The following SPATA7 variants were observed in gnomAD, a reference collection of about 807,000 sequenced individuals.
The protein encoded by SPATA7 is spermatogenesis associated 7, also known as spermatogenesis-associated protein 7.
A neutral mutation model predicts 51.8 loss-of-function variants in SPATA7; 43 were observed. The observed-to-expected ratio is 0.83, with a 90% CI of 0.65 to 1.07. The LOEUF (loss-of-function observed/expected upper bound fraction) is 1.07. SPATA7 is among the 50% of genes least tolerant of loss of function. The pLI is 0.00. For synonymous variants in SPATA7, 230 were observed against 252.8 expected (o/e 0.91, Z 0.86); for missense variants, 683 against 701.3 (o/e 0.97, Z 0.30).
chr14:88,469,091 T>C lies in SPATA7; in HGVS notation c.255-756T>C. 4 of 1,601,882 alleles carry C rather than the reference T, an allele frequency of 2.5e-6. No homozygotes were observed. In the South Asian group the frequency reaches 4.4e-5, roughly 18 times the overall value. On this transcript the variant is annotated intron_variant, in intron 4 of 4. Transcript: ENST00000556406. The surrounding 1 kb of genome is among the most constrained non-coding windows in gnomAD (Gnocchi z 4.3). ...TTCAAGATATGCTGTGGAAAATCAATGAAATAGAAAAGTACTCAAGGATCA... is the reference window on the plus strand; with the variant it reads ...TTCAAGATATGCTGTGGAAAATCAACGAAATAGAAAAGTACTCAAGGATCA...
At chr14:88,409,402 G>A (rs1057359039) in intron 4 of SPATA7, among the ~76,000 whole-genome samples, 1 of 152,084 alleles carries the variant, frequency 6.6e-6, no homozygotes, top group African/African-American at 2.4e-5. Context: ...AGTATTCTCT[G>A]GTGGTAGTTT....
At chr14:88,417,993 T>G (rs1016886027) in intron 5 of SPATA7, among the ~76,000 whole-genome samples, 1 of 152,236 alleles carries the variant, frequency 6.6e-6, no homozygotes, top group Non-Finnish European at 1.5e-5. Flanking sequence ...TAAGTCATTA[T>G]AGAATGATTT....
At position 88,396,271 on chromosome 14, in the gene SPATA7, T is replaced by G. The variant is rs148283835; in HGVS notation, c.238+68T>G. 1,136 of 1,154,566 alleles carry G rather than the reference T, an allele frequency of 9.8e-4. 18 individuals are homozygous for G. In the East Asian group the frequency reaches 0.024, roughly 25 times the overall value. 71.5% of individuals were successfully genotyped at this position (1,154,566 alleles called of 1,614,324 possible). ...AAGGTAAATATACATAACATAAAAT[T>G]TACTGTCTTAACCATTTTTAAGTGT... On this transcript the variant is annotated intron_variant, in intron 4 of 11. Coordinates refer to ENST00000393545, the MANE Select transcript of SPATA7 (RefSeq NM_018418.5).
chr14:88,437,722 G>A, intron 11 of SPATA7, 116 bp from the exon 12 acceptor site: 1 of 1,323,872 alleles, frequency 7.6e-7, no homozygotes, highest in Non-Finnish European at 1.0e-6. Flanking sequence ...CTTTTTTGAG[G>A]GTGGTGGTGG....
At chr14:88,451,812 G>A (rs190224493) in intron 3 of SPATA7, among the ~76,000 whole-genome samples, 57 of 152,100 alleles carry the variant, frequency 3.7e-4, no homozygotes, top group Admixed American at 3.3e-3. Context: ...GGTGTGAGCC[G>A]CTACACCTGG....
intron 1 of SPATA7, among the ~76,000 whole-genome samples, chr14:88,390,804 CT>C (rs765056657): frequency 6.6e-6 from 1 of 152,100 alleles, no homozygotes; most frequent in Non-Finnish European, 1.5e-5. Context: ...ATGTTTAGGT[CT>C]TACCCTCCTT....
At chr14:88,413,767 G>A (rs935625113) in intron 4 of SPATA7, among the ~76,000 whole-genome samples, 4 of 151,596 alleles carry the variant, frequency 2.6e-5, no homozygotes, top group African/African-American at 9.7e-5. Flanking sequence ...ATGAAGGATT[G>A]CTAGATTTTA....
At chr14:88,401,529 A>G (rs1396375135) in intron 4 of SPATA7, among the ~76,000 whole-genome samples, 1 of 152,160 alleles carries the variant, frequency 6.6e-6, no homozygotes, top group African/African-American at 2.4e-5. Context: ...AATAAAAGGC[A>G]TACGAATTAG....
At chr14:88,438,756 C>T (rs1286277413), downstream of SPATA7, among the ~76,000 whole-genome samples, 2 of 152,192 alleles carry the variant, frequency 1.3e-5, no homozygotes, top group Non-Finnish European at 2.9e-5. Flanking sequence ...TCTTGCTGAC[C>T]AGTGGCTAGA....
chr14:88,407,280 T>C (rs1474920090), intron 4 of SPATA7, among the ~76,000 whole-genome samples: 1 of 152,212 alleles, frequency 6.6e-6, no homozygotes, highest in African/African-American at 2.4e-5. Context: ...TAGCATCTGT[T>C]GTTTCCTGAC....
At chr14:88,441,414 G>C (rs2140036007), downstream of SPATA7, among the ~76,000 whole-genome samples, 1 of 152,240 alleles carries the variant, frequency 6.6e-6, no homozygotes, top group Non-Finnish European at 1.5e-5. Flanking sequence ...GTTCTTTAAG[G>C]AATCTCCACA....
chr14:88,426,423 C>T lies in SPATA7; in HGVS notation c.564C>T (p.Ser188=), dbSNP rs549574077. 1.1e-5 allele frequency: 17 copies of T among 1,614,166 alleles called. No individual in the cohort carries two copies. Among genetic ancestry groups the T allele is most frequent in the East Asian group, 4.5e-5 (2 of 44,876 alleles). The change falls in exon 6 of 12, where the codon TCC becomes TCT. Residue 188 remains serine (S), a synonymous_variant. Transcript: ENST00000393545. ...SSPSSVDYAA[S]GPRKLSSGAL... ...CGTCCAGTGTGGATTATGCAGCCTC[C>T]GGGCCCCGGAAACTGAGCTCTGGAG...
intron 1 of SPATA7, among the ~76,000 whole-genome samples, chr14:88,388,530 A>G (rs1457920885): frequency 6.6e-6 from 1 of 151,616 alleles, no homozygotes; most frequent in Non-Finnish European, 1.5e-5. Flanking sequence ...CAGGAGATAG[A>G]AACCATACAG....
At chr14:88,435,355 C>T (rs982188139) in intron 10 of SPATA7, among the ~76,000 whole-genome samples, 30 of 152,054 alleles carry the variant, frequency 2.0e-4, no homozygotes, top group African/African-American at 6.8e-4. Flanking sequence ...TGTTTTGATA[C>T]AGGCAAGCAT....
At chr14:88,437,639 A>C in intron 11 of SPATA7, 42 bp downstream of exon 11, 1 of 1,492,938 alleles carries the variant, frequency 6.7e-7, no homozygotes, top group East Asian at 2.3e-5. Context: ...ATTATAATGT[A>C]AAAATAATTG....
chr14:88,458,479 C>A (rs1024443195), downstream of SPATA7, among the ~76,000 whole-genome samples: 7 of 152,204 alleles, frequency 4.6e-5, no homozygotes, highest in Admixed American at 4.6e-4. Context: ...AGGAATTTAT[C>A]CATTTCTTCT....
intron 4 of SPATA7, among the ~76,000 whole-genome samples, chr14:88,404,806 A>T (rs1452086746): frequency 6.6e-6 from 1 of 152,228 alleles, no homozygotes; most frequent in African/African-American, 2.4e-5. Context: ...TTAGTTTGCT[A>T]GAGTTTATTC....
At chr14:88,402,370 TCA>T (rs764077179) in intron 4 of SPATA7, among the ~76,000 whole-genome samples, 2 of 151,984 alleles carry the variant, frequency 1.3e-5, no homozygotes, top group Non-Finnish European at 1.5e-5. Context: ...GCTGGAGAAA[TCA>T]CACTTTCTAA....
chr14:88,420,172 T>G (rs2076602200), intron 5 of SPATA7, among the ~76,000 whole-genome samples: 1 of 152,164 alleles, frequency 6.6e-6, no homozygotes, highest in Non-Finnish European at 1.5e-5. Flanking sequence ...AAAGGGATTC[T>G]CTCTACTCTT....
Sources: gnomAD v4.1 joint callset for allele counts (sites outside exome capture counted in the v4.1 genomes callset) on GRCh38, gnomAD v4.1.1 for gene constraint, Gnocchi (gnomAD v3.1) non-coding constraint, MANE v1.5 for transcripts, NCBI Gene and HGNC (gene_info 2026-07-23, HGNC 2026-07-21) for gene names.